DDX10: variants seen among roughly 807,000 people sequenced by gnomAD.
DDX10 encodes DEAD-box helicase 10.
Under a neutral mutation model 104.3 loss-of-function variants are expected in DDX10, and 74 were observed. The observed-to-expected ratio is 0.71, with a 90% CI of 0.59 to 0.86. The LOEUF is 0.86. Among genes scored for constraint, DDX10 ranks in the 40% least tolerant of loss-of-function variants. The pLI is 0.00. For missense variants in DDX10, 952 were observed against 1,040.0 expected (o/e 0.92, Z 1.16); for synonymous variants, 351 against 353.4 (o/e 0.99, Z 0.08).
At chr11:108,833,756 T>G (rs921457935) in intron 13 of DDX10, among the ~76,000 whole-genome samples, 3 of 151,882 alleles carry the variant, frequency 2.0e-5, no homozygotes, top group Non-Finnish European at 2.9e-5. Flanking sequence ...TGCAGGATTG[T>G]TTTTTTTGAC....
intron 9 of DDX10, among the ~76,000 whole-genome samples, chr11:108,695,525 G>A (rs1335216469): frequency 6.6e-6 from 1 of 152,112 alleles, no homozygotes; most frequent in African/African-American, 2.4e-5. Flanking sequence ...GAAAGTGTAC[G>A]CTATCCCTTG....
At chr11:108,939,774 A>G (rs1333921029) in intron 17 of DDX10, among the ~76,000 whole-genome samples, 1 of 152,216 alleles carries the variant, frequency 6.6e-6, no homozygotes, top group Non-Finnish European at 1.5e-5. Context: ...GTAATTTAAC[A>G]TCTCAGGTTC....
At chr11:108,837,837 G>C (rs1024946575) in intron 13 of DDX10, among the ~76,000 whole-genome samples, 9 of 151,760 alleles carry the variant, frequency 5.9e-5, no homozygotes, top group Admixed American at 1.3e-4. Flanking sequence ...TGGCCAGGCT[G>C]GTCTCGAACT....
intron 16 of DDX10, among the ~76,000 whole-genome samples, chr11:108,890,400 T>A (rs1183218355): frequency 6.6e-6 from 1 of 152,150 alleles, no homozygotes; most frequent in African/African-American, 2.4e-5. Flanking sequence ...TAGTAGGATT[T>A]ATCAGTGGTA....
chr11:108,810,581 G>A (rs1862165910), intron 13 of DDX10, among the ~76,000 whole-genome samples: 2 of 152,090 alleles, frequency 1.3e-5, no homozygotes, highest in Non-Finnish European at 2.9e-5. Context: ...TACTGATTGG[G>A]TTCACATTTC....
At chr11:108,912,909 C>A (rs1863698797) in intron 16 of DDX10, among the ~76,000 whole-genome samples, 1 of 152,076 alleles carries the variant, frequency 6.6e-6, no homozygotes, top group Non-Finnish European at 1.5e-5. Flanking sequence ...CAAAAGAATG[C>A]AATTGTTTGT....
intron 15 of DDX10, among the ~76,000 whole-genome samples, chr11:108,845,084 T>C (rs1180701212): frequency 6.6e-6 from 1 of 151,948 alleles, no homozygotes; most frequent in Admixed American, 6.6e-5. Context: ...GGCGGGCGCC[T>C]GTAGTCCCAG....
At chr11:108,770,130 A>G (rs1011672730) in intron 13 of DDX10, among the ~76,000 whole-genome samples, 7 of 152,060 alleles carry the variant, frequency 4.6e-5, no homozygotes, top group African/African-American at 1.7e-4. Context: ...GAGTGTTTTT[A>G]TTTATTTATT....
chr11:108,843,820 C>T (rs1372070938), intron 15 of DDX10, among the ~76,000 whole-genome samples: 1 of 151,926 alleles, frequency 6.6e-6, no homozygotes, highest in Non-Finnish European at 1.5e-5. Context: ...CTTATTCATA[C>T]CTACACCCTT....
intron 13 of DDX10, among the ~76,000 whole-genome samples, chr11:108,730,368 C>G (rs1157620526): frequency 6.6e-6 from 1 of 152,170 alleles, no homozygotes; most frequent in African/African-American, 2.4e-5. Context: ...TAACACACAT[C>G]TCAGTGGTAG....
intron 13 of DDX10, among the ~76,000 whole-genome samples, chr11:108,749,202 A>G (rs2094335473): frequency 6.6e-6 from 1 of 151,998 alleles, no homozygotes; most frequent in African/African-American, 2.4e-5. Flanking sequence ...GCCTGGCCGT[A>G]TGTCTAGATT....
intron 13 of DDX10, among the ~76,000 whole-genome samples, chr11:108,798,715 G>GTGT (rs1861979346): frequency 6.6e-6 from 1 of 152,180 alleles, no homozygotes; most frequent in South Asian, 2.1e-4. Flanking sequence ...GGATGTTAGT[G>GTGT]TATTTGGTGT....
At chr11:108,889,232 A>G (rs1240978274) in intron 16 of DDX10, among the ~76,000 whole-genome samples, 1 of 152,176 alleles carries the variant, frequency 6.6e-6, no homozygotes, top group African/African-American at 2.4e-5. Context: ...TGCTTCTTTC[A>G]TCTAAAATTT....
At chr11:108,854,346 A>C (rs1402719774) in intron 16 of DDX10, among the ~76,000 whole-genome samples, 1 of 152,240 alleles carries the variant, frequency 6.6e-6, no homozygotes, top group Non-Finnish European at 1.5e-5. Context: ...CTCTCAGTGC[A>C]TGTGCTTTAA....
chr11:108,754,222 G>A (rs2094341910), intron 13 of DDX10, among the ~76,000 whole-genome samples: 2 of 152,028 alleles, frequency 1.3e-5, no homozygotes, highest in South Asian at 4.1e-4. Context: ...CTAGTATACA[G>A]TATAGATTCC....
At chr11:108,668,665 C>T (rs1484096745) in intron 1 of DDX10, among the ~76,000 whole-genome samples, 4 of 151,998 alleles carry the variant, frequency 2.6e-5, no homozygotes, top group East Asian at 1.9e-4. Context: ...AATTTGATTC[C>T]GAAACCTTTT....
At chr11:108,873,563 T>C (rs1285908633) in intron 16 of DDX10, among the ~76,000 whole-genome samples, 1 of 152,218 alleles carries the variant, frequency 6.6e-6, no homozygotes, top group Non-Finnish European at 1.5e-5. Context: ...AGAAACCTTT[T>C]ATCCTTCCGA....
intron 16 of DDX10, among the ~76,000 whole-genome samples, chr11:108,876,766 C>T (rs1442365166): frequency 2.6e-5 from 4 of 152,152 alleles, no homozygotes; most frequent in East Asian, 1.9e-4. Flanking sequence ...TCTCTTACCA[C>T]GCTTTTCTAG....
chr11:108,923,297 C>G (rs573344682), intron 17 of DDX10, among the ~76,000 whole-genome samples: 12 of 152,240 alleles, frequency 7.9e-5, no homozygotes, highest in Admixed American at 5.2e-4. Context: ...TTTGAGGAAC[C>G]AAGACCTCAG....
Sources: allele counts gnomAD v4.1 joint callset (sites outside exome capture counted in the v4.1 genomes callset), GRCh38; gene constraint gnomAD v4.1.1; transcripts MANE v1.5; gene names NCBI Gene and HGNC (gene_info 2026-07-23, HGNC 2026-07-21).